TENM1: variants seen among roughly 807,000 people sequenced by gnomAD.
TENM1 encodes the protein teneurin-1.
In TENM1, 35 loss-of-function variants were observed where a neutral mutation model predicts 174.8. The observed-to-expected ratio is 0.20, with a 90% CI of 0.15 to 0.27. The LOEUF is 0.27. Ranked by LOEUF, TENM1 falls within the 10% of genes least tolerant of loss-of-function variation. TENM1 has a pLI of 1.00. For synonymous variants in TENM1, 781 were observed against 798.7 expected (o/e 0.98, Z 0.37); for missense variants, 1,633 against 2,130.1 (o/e 0.77, Z 4.59).
chrX:124,928,750 A>G (rs1168986750), intron 1 of TENM1, among the ~76,000 whole-genome samples: 1 of 111,659 alleles, frequency 9.0e-6, no homozygotes, highest in Non-Finnish European at 1.9e-5. Context: ...TCCAATAGCT[A>G]TAGTAATATT....
intron 23 of TENM1, among the ~76,000 whole-genome samples, chrX:124,435,724 T>A (rs112700458): frequency 0.019 from 2,076 of 111,596 alleles, 19 homozygotes; most frequent in Non-Finnish European, 0.026. Context: ...GTATTTTCAT[T>A]AGGCCTCCAG....
At chrX:124,815,449 T>C (rs1451013988) in intron 3 of TENM1, among the ~76,000 whole-genome samples, 1 of 111,711 alleles carries the variant, frequency 9.0e-6, no homozygotes, top group East Asian at 2.8e-4. Context: ...GGAGTTTTTT[T>C]CCAACATTGA....
chrX:124,964,315 G>C (rs908248857), upstream of TENM1, among the ~76,000 whole-genome samples: 1 of 111,753 alleles, frequency 8.9e-6, no homozygotes, highest in Non-Finnish European at 1.9e-5. Context: ...GTAAGGGAAG[G>C]ATTCTGAGTG....
intron 5 of TENM1, among the ~76,000 whole-genome samples, chrX:124,703,315 T>TA (rs2052819139): frequency 8.9e-6 from 1 of 111,957 alleles, no homozygotes; most frequent in Non-Finnish European, 1.9e-5. Flanking sequence ...TTTATTCTAT[T>TA]AAAAAAGACA....
intron 11 of TENM1, among the ~76,000 whole-genome samples, chrX:124,585,423 C>T (rs1254018099): frequency 6.3e-5 from 7 of 111,222 alleles, no homozygotes; most frequent in African/African-American, 2.3e-4. Context: ...GAACAACCTG[C>T]TCCTGAATGA....
intron 3 of TENM1, among the ~76,000 whole-genome samples, chrX:124,748,777 C>T (rs767926621): frequency 8.0e-5 from 9 of 112,239 alleles, no homozygotes; most frequent in Non-Finnish European, 1.1e-4. Context: ...ACAGCTCTGT[C>T]ATTTACTATC....
At chrX:124,843,924 C>T (rs1185194653) in intron 3 of TENM1, among the ~76,000 whole-genome samples, 3 of 111,659 alleles carry the variant, frequency 2.7e-5, no homozygotes, top group African/African-American at 9.8e-5. Context: ...TCCTTCTATG[C>T]CGTAGGAATG....
At chrX:124,743,440 G>A (rs2053846272) in intron 3 of TENM1, among the ~76,000 whole-genome samples, 1 of 112,003 alleles carries the variant, frequency 8.9e-6, no homozygotes, top group African/African-American at 3.2e-5. Context: ...GTGACGCACA[G>A]ACAACAACAG....
the TENM1 span, among the ~76,000 whole-genome samples, chrX:124,974,888 C>CTATATATATATA: frequency 2.3e-4 from 17 of 72,722 alleles, no homozygotes; most frequent in Non-Finnish European, 3.3e-4. Flanking sequence ...GGGACTGACA[C>CTATATATATATA]TATATATATA....
intron 1 of TENM1, among the ~76,000 whole-genome samples, chrX:124,931,808 G>A (rs756701165): frequency 3.7e-4 from 41 of 110,394 alleles, no homozygotes; most frequent in Non-Finnish European, 6.4e-4. Context: ...GAGGTGGCAT[G>A]AAGCCTACTG....
At chrX:124,632,408 C>G (rs1168171179) in intron 11 of TENM1, among the ~76,000 whole-genome samples, 1 of 111,227 alleles carries the variant, frequency 9.0e-6, no homozygotes, top group Admixed American at 9.6e-5. Context: ...TGCTAGGATA[C>G]TGGAAATTTG....
chrX:125,070,343 C>T, the TENM1 span, among the ~76,000 whole-genome samples: 1 of 111,248 alleles, frequency 9.0e-6, no homozygotes, highest in Non-Finnish European at 1.9e-5. Flanking sequence ...TGAGAAATGT[C>T]TGTTTATGCC....
chrX:124,970,415 G>A, the TENM1 span, among the ~76,000 whole-genome samples: 3 of 112,009 alleles, frequency 2.7e-5, no homozygotes, highest in Non-Finnish European at 3.8e-5. Flanking sequence ...GGCAAAGGAG[G>A]ATAGTACTCT....
At chrX:124,826,661 G>A (rs1284409462) in intron 3 of TENM1, among the ~76,000 whole-genome samples, 1 of 111,534 alleles carries the variant, frequency 9.0e-6, no homozygotes, top group Non-Finnish European at 1.9e-5. Context: ...CAAAATGTTA[G>A]CAGTTGTTCT....
chrX:124,899,533 T>C (rs2057621254), intron 1 of TENM1, among the ~76,000 whole-genome samples: 1 of 111,593 alleles, frequency 9.0e-6, no homozygotes, highest in Non-Finnish European at 1.9e-5. Flanking sequence ...TTGATGGGCA[T>C]TTAGGTTGAT....
intron 3 of TENM1, among the ~76,000 whole-genome samples, chrX:124,877,074 T>C (rs2057216689): frequency 8.9e-6 from 1 of 112,411 alleles, no homozygotes; most frequent in South Asian, 3.6e-4. Context: ...AATTGTTAAA[T>C]TCCAGAATCA....
At chrX:124,722,729 A>C (rs1459326449) in intron 4 of TENM1, among the ~76,000 whole-genome samples, 1 of 106,900 alleles carries the variant, frequency 9.4e-6, no homozygotes, top group African/African-American at 3.4e-5. Context: ...AGTCCCAGCT[A>C]CTTGGGAGGC....
chrX:124,822,740 C>G (rs145465308), intron 3 of TENM1, among the ~76,000 whole-genome samples: 2 of 111,623 alleles, frequency 1.8e-5, no homozygotes, highest in Non-Finnish European at 3.8e-5. Flanking sequence ...ATTGACCGAG[C>G]GAAGGACTGG....
At chrX:125,177,162 C>A in the TENM1 span, among the ~76,000 whole-genome samples, 2 of 112,212 alleles carry the variant, frequency 1.8e-5, no homozygotes, top group African/African-American at 6.4e-5. Context: ...ACTAGGTGAG[C>A]ATTTTGCAAA....
Sources: gnomAD v4.1 joint callset for allele counts (sites outside exome capture counted in the v4.1 genomes callset) on GRCh38, gnomAD v4.1.1 for gene constraint, MANE v1.5 for transcripts, NCBI Gene and HGNC (gene_info 2026-07-23, HGNC 2026-07-21) for gene names.